KSR2: variants seen among roughly 807,000 people sequenced by gnomAD.
The protein encoded by KSR2 is kinase suppressor of ras 2.
KSR2 carries 25 observed loss-of-function variants against 107.8 expected under a neutral mutation model. The ratio of observed to expected loss-of-function variants is 0.23; its 90% CI spans 0.17 to 0.32. The LOEUF is 0.32. Ranked by LOEUF, KSR2 falls within the 10% of genes least tolerant of loss-of-function variation. KSR2 has a pLI of 1.00. For missense variants in KSR2, 887 were observed against 1,268.9 expected, an observed-to-expected ratio of 0.70 and a Z score of 4.57; for synonymous variants, 480 against 507.0, an observed-to-expected ratio of 0.95 and a Z score of 0.71.
chr12:117,693,593 G>A (rs936056655), intron 4 of KSR2, among the ~76,000 whole-genome samples: 4 of 152,216 alleles, frequency 2.6e-5, no homozygotes, highest in Admixed American at 6.5e-5. Context: ...GAATGCCCAA[G>A]CCTAGCATGT....
At chr12:117,672,102 T>C (rs1268267187) in intron 4 of KSR2, among the ~76,000 whole-genome samples, 50 of 152,056 alleles carry the variant, frequency 3.3e-4, no homozygotes. Context: ...CAGCACATAC[T>C]GGCGGACTCT....
chr12:117,822,121 C>T (rs1891583197), intron 3 of KSR2, among the ~76,000 whole-genome samples: 1 of 152,188 alleles, frequency 6.6e-6, no homozygotes, highest in African/African-American at 2.4e-5. Flanking sequence ...ATGGCAACAT[C>T]AGAAAGTTAC....
At chr12:117,598,917 A>G (rs1880790905) in intron 5 of KSR2, among the ~76,000 whole-genome samples, 2 of 152,152 alleles carry the variant, frequency 1.3e-5, no homozygotes, top group African/African-American at 4.8e-5. Flanking sequence ...ATAAGATTCA[A>G]TATTTCATGA....
chr12:117,950,149 A>G (rs1304425868), intron 1 of KSR2, among the ~76,000 whole-genome samples: 1 of 151,578 alleles, frequency 6.6e-6, no homozygotes, highest in African/African-American at 2.4e-5. Context: ...AATTTTTTGT[A>G]TTTTAGGAGA....
chr12:117,613,085 A>T (rs180755304), intron 5 of KSR2, among the ~76,000 whole-genome samples: 1 of 152,192 alleles, frequency 6.6e-6, no homozygotes, highest in Admixed American at 6.5e-5. Context: ...ATACAGACAG[A>T]TTAAGGCAAA....
chr12:117,528,909 T>C (rs1159427388), intron 12 of KSR2, among the ~76,000 whole-genome samples: 2 of 152,254 alleles, frequency 1.3e-5, no homozygotes, highest in Non-Finnish European at 2.9e-5. Flanking sequence ...CTGGTACCTC[T>C]GGACTGTCAG....
intron 3 of KSR2, among the ~76,000 whole-genome samples, chr12:117,846,596 G>A (rs747490333): frequency 5.3e-5 from 8 of 152,060 alleles, no homozygotes; most frequent in Non-Finnish European, 1.2e-4. Context: ...AAACCACTGC[G>A]CCCAACTTGA....
At chr12:117,590,223 G>A (rs927546521) in intron 5 of KSR2, among the ~76,000 whole-genome samples, 4 of 152,238 alleles carry the variant, frequency 2.6e-5, no homozygotes, top group African/African-American at 4.8e-5. Flanking sequence ...CATGTGTGGA[G>A]TTTAAGTTAG....
At chr12:117,656,452 T>C (rs2046080195) in intron 5 of KSR2, among the ~76,000 whole-genome samples, 1 of 152,048 alleles carries the variant, frequency 6.6e-6, no homozygotes, top group Non-Finnish European at 1.5e-5. Context: ...AAACCTCTAC[T>C]AAAAATACAA....
chr12:117,895,015 A>C (rs1161756793), intron 1 of KSR2, among the ~76,000 whole-genome samples: 1 of 151,872 alleles, frequency 6.6e-6, no homozygotes. Flanking sequence ...GGATTGCTTG[A>C]GTCCAGGAGT....
intron 9 of KSR2, among the ~76,000 whole-genome samples, chr12:117,540,974 C>G (rs1815761433): frequency 6.6e-6 from 1 of 152,280 alleles, no homozygotes; most frequent in Non-Finnish European, 1.5e-5. Context: ...CACCTCTTTT[C>G]TGTACATCCT....
chr12:117,847,149 T>C (rs1299672547), intron 3 of KSR2, among the ~76,000 whole-genome samples: 3 of 152,198 alleles, frequency 2.0e-5, no homozygotes, highest in Non-Finnish European at 2.9e-5. Context: ...CGAGACCCTG[T>C]GGGCTCCGGG....
intron 1 of KSR2, among the ~76,000 whole-genome samples, chr12:117,954,043 T>C (rs142802945): frequency 1.6e-4 from 24 of 151,876 alleles, no homozygotes; most frequent in Non-Finnish European, 3.2e-4. Context: ...CAAGCTGTGA[T>C]CATGCCACTG....
At chr12:117,535,604 T>TTTTGTGTGTG (rs1555213584) in intron 10 of KSR2, among the ~76,000 whole-genome samples, 1 of 142,232 alleles carries the variant, frequency 7.0e-6, no homozygotes, top group African/African-American at 2.7e-5. Context: ...TTTCCTGGAG[T>TTTTGTGTGTG]TGTGTGTGTG....
chr12:117,826,047 A>T (rs1048818670), intron 3 of KSR2, among the ~76,000 whole-genome samples: 3 of 151,932 alleles, frequency 2.0e-5, no homozygotes, highest in Admixed American at 6.6e-5. Flanking sequence ...GGATGGATGA[A>T]TGGATGGATA....
chr12:117,799,211 G>A (rs964648090), intron 3 of KSR2, among the ~76,000 whole-genome samples: 1 of 152,154 alleles, frequency 6.6e-6, no homozygotes, highest in Admixed American at 6.6e-5. Context: ...TTTAAAAATG[G>A]TCACAATGGG....
intron 5 of KSR2, among the ~76,000 whole-genome samples, chr12:117,640,544 G>T (rs1883308686): frequency 6.6e-6 from 1 of 152,198 alleles, no homozygotes; most frequent in African/African-American, 2.4e-5. Context: ...GAGCCACCGT[G>T]CCCAGCCTTG....
intron 5 of KSR2, among the ~76,000 whole-genome samples, chr12:117,593,396 G>A (rs939377289): frequency 1.3e-5 from 2 of 152,230 alleles, no homozygotes; most frequent in African/African-American, 4.8e-5. Context: ...CAGGGCAGGG[G>A]GAGATGGGAG....
At chr12:117,547,737 T>C (rs1592980105) in intron 9 of KSR2, among the ~76,000 whole-genome samples, 1 of 152,146 alleles carries the variant, frequency 6.6e-6, no homozygotes, top group East Asian at 1.9e-4. Context: ...TATTTTGTTT[T>C]TACTCATTGA....
Sources: allele counts gnomAD v4.1 joint callset (sites outside exome capture counted in the v4.1 genomes callset), GRCh38; gene constraint gnomAD v4.1.1; transcripts MANE v1.5; gene names NCBI Gene and HGNC (gene_info 2026-07-23, HGNC 2026-07-21).